The following RASSF2 variants were observed in gnomAD, a reference collection of about 807,000 sequenced individuals.
RASSF2 encodes ras association domain-containing protein 2.
A neutral mutation model predicts 46.3 loss-of-function variants in RASSF2; 34 were observed. The ratio of observed to expected loss-of-function variants is 0.73; its 90% CI spans 0.56 to 0.98. The LOEUF (loss-of-function observed/expected upper bound fraction) is 0.98, where lower values mean the gene tolerates loss of function less well. Among genes scored for constraint, RASSF2 ranks in the 50% least tolerant of loss-of-function variants. The pLI is 0.00. For synonymous variants in RASSF2, 158 were observed against 162.5 expected (o/e 0.97, Z 0.21); for missense variants, 364 against 431.2 (o/e 0.84, Z 1.38).
intron 2 of RASSF2, among the ~76,000 whole-genome samples, chr20:4,815,994 A>AT (rs1338762245): frequency 2.0e-5 from 3 of 152,152 alleles, no homozygotes; most frequent in African/African-American, 7.2e-5. Context: ...TAAAATAAAC[A>AT]TTTTTTGTTT....
chr20:4,797,954 C>T (rs1376402659), intron 4 of RASSF2, 56 bp downstream of exon 4: 17 of 1,608,392 alleles, frequency 1.1e-5, no homozygotes, highest in Non-Finnish European at 1.4e-5. Context: ...AGACCCAGGA[C>T]ACATGGTGAC....
chr20:4,792,905 TTCA>T lies in RASSF2; in HGVS notation c.288-281_288-279del, dbSNP rs970308759. The T allele has an allele frequency of 1.0e-5, 5 of 490,652 alleles. No individual in the cohort carries two copies. The Admixed American group carries it at 1.1e-4, about 11-fold the overall frequency. 30.4% of individuals were successfully genotyped at this position (490,652 alleles called of 1,614,324 possible). On this transcript the variant is annotated intron_variant, in intron 5 of 11. Coordinates refer to ENST00000379400, the MANE Select transcript of RASSF2 (RefSeq NM_014737.3). ...CAACTGCAGTAACACACCCAACCAA[TTCA>T]TCAAGCCCAGGATGGATAATACCAA...
In RASSF2 at chr20:4,821,218, C is replaced by A. The variant is rs145142079; in HGVS notation, c.-33+1111G>T. Among the ~76,000 whole-genome samples, 331 of 152,274 alleles carry A rather than the reference C, an allele frequency of 2.2e-3. 3 individuals are homozygous for A. In the South Asian group the frequency reaches 0.023, roughly 11 times the overall value. ...TGAAAACAAGGTGTAGGGTTGTCCG[C>A]CACACCAACTGGGCTCCTAAGATGG... is the stretch of plus-strand genomic sequence containing the variant. On this transcript the variant is annotated intron_variant, in intron 2 of 11. Transcript: ENST00000379400.
Position 4,808,161 on chromosome 20 carries a change from C to T in RASSF2, c.-32-7099G>A, listed in dbSNP as rs140719531. Among the ~76,000 whole-genome samples, 657 of 152,296 alleles carry T rather than the reference C, an allele frequency of 4.3e-3. 3 individuals are homozygous for T. Among genetic ancestry groups the T allele is most frequent in the Non-Finnish European group, 6.4e-3 (433 of 68,030 alleles). ...AGGGGTGCCTGCCATTATCTGTGGC[C>T]TTGGAGACAGGGATTCATTCGTTCA... On this transcript the variant is annotated intron_variant, in intron 2 of 11. Transcript: ENST00000379400.
chr20:4,799,135 T>C (rs1926648609), intron 3 of RASSF2, among the ~76,000 whole-genome samples: 1 of 152,092 alleles, frequency 6.6e-6, no homozygotes, highest in African/African-American at 2.4e-5. Flanking sequence ...TGAGGTGGCT[T>C]CTGGGCCCTG....
At chr20:4,815,592 G>A (rs2326550) in intron 2 of RASSF2, among the ~76,000 whole-genome samples, 67,429 of 152,212 alleles carry the variant, frequency 0.44, 16,276 homozygotes, top group Non-Finnish European at 0.55. Context: ...TCGAGCTTCA[G>A]GGAAGCTAGT....
At chr20:4,808,069 G>A (rs6076740) in intron 2 of RASSF2, among the ~76,000 whole-genome samples, 2 of 152,144 alleles carry the variant, frequency 1.3e-5, no homozygotes, top group African/African-American at 4.8e-5. Context: ...ACACAAGGAA[G>A]GTCAGAGGAA....
intron 4 of RASSF2, among the ~76,000 whole-genome samples, chr20:4,797,716 G>T (rs1341958342): frequency 3.3e-5 from 5 of 152,094 alleles, no homozygotes; most frequent in Non-Finnish European, 7.4e-5. Context: ...GGAGCCACCT[G>T]GAAAGGTCAT....
At chr20:4,813,750 T>C (rs1928046829) in intron 2 of RASSF2, among the ~76,000 whole-genome samples, 2 of 151,534 alleles carry the variant, frequency 1.3e-5, no homozygotes, top group African/African-American at 4.9e-5. Flanking sequence ...TGAGCATAGC[T>C]CCCGGTGTGT....
In RASSF2 at chr20:4,804,308, C is replaced by T. The variant is rs117531035; in HGVS notation, c.-32-3246G>A. ...CATGAAAACCGGAGTACACATGTAA[C>T]GCGCAAAAAGAAAAAAAGGAAAGTC... On this transcript the variant is annotated intron_variant, in intron 2 of 11. Transcript: ENST00000379400. 2.4e-3 allele frequency among the ~76,000 whole-genome samples: 357 copies of T among 147,954 alleles called. 2 individuals carry two copies. The highest frequency in any genetic ancestry group is 0.014 in the East Asian group (69 of 5,064).
rs149123494 is a variant in RASSF2, at chr20:4,790,689, C to T, written c.377-78G>A. The T allele has an allele frequency of 1.7e-5, 20 of 1,159,262 alleles. No homozygotes were observed. The highest frequency in any genetic ancestry group is 2.4e-5 in the Non-Finnish European group (20 of 842,550). 71.8% of individuals were successfully genotyped at this position (1,159,262 alleles called of 1,614,324 possible). On this transcript the variant is annotated intron_variant, in intron 6 of 11. Transcript: ENST00000379400. This position sits in a 1 kb window ranked among gnomAD's most constrained non-coding sequence, Gnocchi z 4.3. ...CATGGTCCCCAATTTGTGGCCAGTG[C>T]GACAGCACCCACTGTCTCCACAAAT...
intron 10 of RASSF2, among the ~76,000 whole-genome samples, chr20:4,787,181 G>T (rs575658858): frequency 6.6e-6 from 1 of 152,252 alleles, no homozygotes; most frequent in South Asian, 2.1e-4. Flanking sequence ...GCTTGTCCAT[G>T]TGACTGGCTT....
rs1176211876 is a variant in RASSF2, at chr20:4,781,075, G to A, written c.*3198C>T. 1 of 151,806 alleles carries A rather than the reference G, an allele frequency of 6.6e-6. No individual in the cohort carries two copies. The highest frequency in any genetic ancestry group is 1.9e-4 in the East Asian group (1 of 5,184). The allele number at this position is 151,806 out of a possible 1,614,324, so 9.4% of individuals were successfully genotyped here. A position where few individuals can be genotyped will look rare whatever the true frequency, so the allele number is the denominator to read the frequency against. ...ATAAAACATGGTTTTTGGTTGTTTT[G>A]TTGTTGGTGGTGGTTTCTTTAAAGA... On this transcript the variant is annotated 3_prime_UTR_variant, in exon 12 of 12. Coordinates refer to ENST00000379400, the MANE Select transcript of RASSF2 (RefSeq NM_014737.3).
At chr20:4,792,878 A>T (rs1036736759) in intron 5 of RASSF2, 12 of 632,468 alleles carry the variant, frequency 1.9e-5, no homozygotes, top group Admixed American at 3.5e-5. Context: ...GTTCTTTTGC[A>T]GCAACTGCAG....
At chr20:4,823,153 G>C (rs1165506242) in intron 1 of RASSF2, among the ~76,000 whole-genome samples, 1 of 152,088 alleles carries the variant, frequency 6.6e-6, no homozygotes. Context: ...AGACAGGCGA[G>C]GATTACGGGG....
chr20:4,811,747 C>A (rs1281273216), intron 2 of RASSF2, among the ~76,000 whole-genome samples: 2 of 152,142 alleles, frequency 1.3e-5, no homozygotes, highest in Admixed American at 6.5e-5. Flanking sequence ...GTCACAGAAG[C>A]CAGAACCCCA....
At position 4,795,693 on chromosome 20, in the gene RASSF2, A is replaced by T. The variant is rs1926279634; in HGVS notation, c.287+122T>A. 1 of 1,209,086 alleles carries T rather than the reference A, an allele frequency of 8.3e-7. No individual in the cohort carries two copies. Among genetic ancestry groups the T allele is most frequent in the Admixed American group, 2.4e-5 (1 of 41,390 alleles). The allele number at this position is 1,209,086 out of a possible 1,614,324, so 74.9% of individuals were successfully genotyped here. On this transcript the variant is annotated intron_variant, in intron 5 of 11. Coordinates refer to ENST00000379400, the MANE Select transcript of RASSF2 (RefSeq NM_014737.3). The surrounding 1 kb of genome is among the most constrained non-coding windows in gnomAD (Gnocchi z 4.0). ...CAAGGCTAAGGCAGGTGGGCAGTAG[A>T]GGTAGTAGGAGGAGGAGCCAGGGTC...
chr20:4,820,042 G>A (rs1928589239), intron 2 of RASSF2, among the ~76,000 whole-genome samples: 1 of 152,214 alleles, frequency 6.6e-6, no homozygotes, highest in South Asian at 2.1e-4. Flanking sequence ...CCCACTGGCT[G>A]CATAGCCCAA....
chr20:4,804,812 A>G (rs755090303), intron 2 of RASSF2, among the ~76,000 whole-genome samples: 4 of 152,152 alleles, frequency 2.6e-5, no homozygotes, highest in African/African-American at 7.2e-5. Context: ...GAAACAAGGC[A>G]CATGGTGCAG....
Sources: allele counts gnomAD v4.1 joint callset (sites outside exome capture counted in the v4.1 genomes callset), GRCh38; gene constraint gnomAD v4.1.1; non-coding constraint Gnocchi (gnomAD v3.1); transcripts MANE v1.5; gene names NCBI Gene and HGNC (gene_info 2026-07-23, HGNC 2026-07-21).